Variants in INPP5A observed in about 807,000 individuals in gnomAD.
INPP5A encodes the protein 43 kDa inositol polyphosphate 5-phophatase.
Under a neutral mutation model 65.2 loss-of-function variants are expected in INPP5A, and 14 were observed. That is an observed-to-expected ratio of 0.21 (90% CI 0.14 to 0.34). The LOEUF is 0.34. Among genes scored for constraint, INPP5A ranks in the 10% least tolerant of loss-of-function variants. The pLI, the probability that INPP5A is intolerant of heterozygous loss-of-function variation, is 1.00. For missense variants in INPP5A, 431 were observed against 545.6 expected (o/e 0.79, Z 2.09); for synonymous variants, 207 against 208.3 (o/e 0.99, Z 0.05).
intron 1 of INPP5A, among the ~76,000 whole-genome samples, chr10:132,560,324 CT>C (rs1243510788): frequency 6.6e-6 from 1 of 152,202 alleles, no homozygotes; most frequent in African/African-American, 2.4e-5. Flanking sequence ...ATAATTCTGA[CT>C]TTTTAAGGAA....
In INPP5A at chr10:132,545,065, G is replaced by C. The variant is rs767843208; in HGVS notation, c.75+6894G>C. Among the ~76,000 whole-genome samples the C allele has an allele frequency of 6.6e-6, 1 of 152,130 alleles. No individual in the cohort carries two copies. Among genetic ancestry groups the C allele is most frequent in the Non-Finnish European group, 1.5e-5 (1 of 68,032 alleles). On this transcript the variant is annotated intron_variant, in intron 1 of 15. Transcript: ENST00000368594. The surrounding 1 kb of genome is among the most constrained non-coding windows in gnomAD (Gnocchi z 4.6). ...GGTCACGTCCGTCCCTGTTGCCTGCGCTGCTCCGAGAAGCCCCACTCTGAC... is the reference window on the plus strand; with the variant it reads ...GGTCACGTCCGTCCCTGTTGCCTGCCCTGCTCCGAGAAGCCCCACTCTGAC...
At chr10:132,588,272 T>C (rs1379102096) in intron 1 of INPP5A, among the ~76,000 whole-genome samples, 1 of 152,226 alleles carries the variant, frequency 6.6e-6, no homozygotes, top group Admixed American at 6.5e-5. Flanking sequence ...TCTCTTGCTC[T>C]GTGAGGTTCA....
At position 132,773,304 on chromosome 10, in the gene INPP5A, G is replaced by T. The variant is rs146881590; in HGVS notation, c.978-4367G>T. ...AATCACTCCTTCCCAAAGAAAGACT[G>T]ACTCTCAGAGGTGGGAGAGGGATGT... On this transcript the variant is annotated intron_variant, in intron 12 of 15. Transcript: ENST00000368594. Among the ~76,000 whole-genome samples the T allele has an allele frequency of 3.8e-3, 583 of 152,364 alleles. 8 individuals carry two copies. Among genetic ancestry groups the T allele is most frequent in the East Asian group, 5.6e-3 (29 of 5,190 alleles).
At position 132,545,310 on chromosome 10, in the gene INPP5A, CCT is replaced by C. The variant is rs1335522204; in HGVS notation, c.75+7142_75+7143del. On this transcript the variant is annotated intron_variant, in intron 1 of 15. Coordinates refer to ENST00000368594, the MANE Select transcript of INPP5A (RefSeq NM_005539.5). The surrounding 1 kb of genome is among the most constrained non-coding windows in gnomAD (Gnocchi z 4.6). ...ACCGTGAAGCATCAAATTTAGAGCC[CCT>C]CTGTCCAGGGGCTAGAGGGGCATTC... is the stretch of plus-strand genomic sequence containing the variant. 6.6e-6 allele frequency among the ~76,000 whole-genome samples: 1 copy of C among 152,134 alleles called. No homozygotes were observed. Among genetic ancestry groups the C allele is most frequent in the Non-Finnish European group, 1.5e-5 (1 of 68,022 alleles).
At chr10:132,593,718 TTTTC>T (rs1237570744) in intron 1 of INPP5A, among the ~76,000 whole-genome samples, 3 of 151,022 alleles carry the variant, frequency 2.0e-5, no homozygotes, top group African/African-American at 4.8e-5. Context: ...TCTTTCAAGA[TTTTC>T]TTTATTTGTG....
At chr10:132,566,425 C>T (rs1174922787) in intron 1 of INPP5A, among the ~76,000 whole-genome samples, 1 of 152,152 alleles carries the variant, frequency 6.6e-6, no homozygotes, top group East Asian at 1.9e-4. Flanking sequence ...CAGAAGGTGG[C>T]ACCGTGAAAA....
In INPP5A at chr10:132,678,396, C is replaced by A. The variant is rs1189890555; in HGVS notation, c.307-11996C>A. On this transcript the variant is annotated intron_variant, in intron 4 of 15. Transcript: ENST00000368594. The surrounding 1 kb of genome is among the most constrained non-coding windows in gnomAD (Gnocchi z 4.1). ...ATTATAACTTTGCTTTGATTTATTA[C>A]TCAATCTGTTAAATTGTTTCAAAAC... Among the ~76,000 whole-genome samples the A allele has an allele frequency of 6.6e-6, 1 of 152,146 alleles. No homozygotes were observed. The highest frequency in any genetic ancestry group is 2.4e-5 in the African/African-American group (1 of 41,426).
At chr10:132,711,972 C>T (rs781477867) in intron 8 of INPP5A, among the ~76,000 whole-genome samples, 1 of 152,188 alleles carries the variant, frequency 6.6e-6, no homozygotes, top group Non-Finnish European at 1.5e-5. Context: ...GGTGGGGCCC[C>T]TGCCCCAGAG....
chr10:132,568,557 T>C (rs543111182), intron 1 of INPP5A, among the ~76,000 whole-genome samples: 5 of 151,436 alleles, frequency 3.3e-5, no homozygotes, highest in African/African-American at 1.2e-4. Flanking sequence ...GAGACCAGCC[T>C]GGCCAATGTG....
At chr10:132,774,232 C>A (rs533491086) in intron 12 of INPP5A, among the ~76,000 whole-genome samples, 9 of 152,302 alleles carry the variant, frequency 5.9e-5, no homozygotes, top group African/African-American at 1.9e-4. Context: ...GCCAGCATTG[C>A]CAGTGGTGCC....
intron 2 of INPP5A, among the ~76,000 whole-genome samples, chr10:132,630,731 G>A (rs1378487452): frequency 1.3e-5 from 2 of 149,564 alleles, no homozygotes; most frequent in South Asian, 2.1e-4. Context: ...GTGGGGCCTC[G>A]GTCGCACCTG....
Position 132,690,425 on chromosome 10 carries a change from T to C in INPP5A, c.340T>C (p.Leu114=). 6.2e-7 allele frequency: 1 copy of C among 1,612,954 alleles called. No individual in the cohort carries two copies. The change falls in exon 5 of 16, where the codon TTA becomes CTA. Residue 114 remains leucine (L), a synonymous_variant. Transcript: ENST00000368594. ...LGSFYFLHES[L]KNIYQFDFKA... is the part of the protein sequence containing the mutation. ...AAGCTTTTATTTTCTTCATGAGTCC[T>C]TAAAAAACATCTACCAGTTTGACTT...
intron 11 of INPP5A, among the ~76,000 whole-genome samples, chr10:132,750,510 T>C (rs1564998666): frequency 2.0e-5 from 3 of 152,242 alleles, no homozygotes; most frequent in Non-Finnish European, 4.4e-5. Context: ...GGGATCAGTG[T>C]AGGCGAGCGC....
At chr10:132,728,993 T>A (rs1846035048) in intron 9 of INPP5A, among the ~76,000 whole-genome samples, 1 of 138,646 alleles carries the variant, frequency 7.2e-6, no homozygotes, top group Non-Finnish European at 1.5e-5. Context: ...CCCGTGGGGC[T>A]TGTGTGGCCG....
chr10:132,539,238 G>C (rs886761902), intron 1 of INPP5A, among the ~76,000 whole-genome samples: 1 of 152,174 alleles, frequency 6.6e-6, no homozygotes, highest in African/African-American at 2.4e-5. Context: ...CCTGGGTGCC[G>C]GCCTCACTGT....
intron 1 of INPP5A, among the ~76,000 whole-genome samples, chr10:132,579,204 A>G (rs1590843823): frequency 7.2e-6 from 1 of 139,726 alleles, no homozygotes. Flanking sequence ...CGGGGGAAGG[A>G]GAGTGTGGGG....
chr10:132,672,420 A>T (rs535335622), intron 4 of INPP5A, among the ~76,000 whole-genome samples: 1 of 152,268 alleles, frequency 6.6e-6, no homozygotes, highest in Admixed American at 6.5e-5. Context: ...AGGCAAGGGG[A>T]TCATGGGGGC....
intron 1 of INPP5A, among the ~76,000 whole-genome samples, chr10:132,564,046 A>G (rs987572618): frequency 7.9e-5 from 12 of 152,256 alleles, no homozygotes; most frequent in African/African-American, 2.6e-4. Flanking sequence ...ACCACAAAGG[A>G]TAGGTGTGAG....
rs553788917 is a variant in INPP5A, at chr10:132,715,567, G to A, written c.647+5111G>A. 3.8e-4 allele frequency among the ~76,000 whole-genome samples: 58 copies of A among 152,340 alleles called. 1 individual carries two copies. The highest frequency in any genetic ancestry group is 1.4e-3 in the African/African-American group (58 of 41,570). On this transcript the variant is annotated intron_variant, in intron 8 of 15. Coordinates refer to ENST00000368594, the MANE Select transcript of INPP5A (RefSeq NM_005539.5). ...CAGCCCCGCTTTGTGGCTTTATGGA[G>A]GGCCATCAGTTAGCTGTCAGCCGCT...
Sources: gnomAD v4.1 joint callset for allele counts (sites outside exome capture counted in the v4.1 genomes callset) on GRCh38, gnomAD v4.1.1 for gene constraint, Gnocchi (gnomAD v3.1) non-coding constraint, MANE v1.5 for transcripts, NCBI Gene and HGNC (gene_info 2026-07-23, HGNC 2026-07-21) for gene names.